The following STK33 variants were observed in gnomAD, a reference collection of about 807,000 sequenced individuals.
The protein encoded by STK33 is serine/threonine kinase 33, also known as serine/threonine-protein kinase 33.
A neutral mutation model predicts 58.0 loss-of-function variants in STK33; 52 were observed. That is an observed-to-expected ratio of 0.90 (90% CI 0.72 to 1.13). The LOEUF is 1.13. Among genes scored for constraint, STK33 ranks in the 50% most tolerant of loss-of-function variants. STK33 has a pLI of 0.00. For missense variants in STK33, 630 were observed against 604.2 expected (o/e 1.04, Z -0.45); for synonymous variants, 215 against 200.1 (o/e 1.07, Z -0.63).
chr11:8,584,503 C>T (rs1476608970), intron 1 of STK33, among the ~76,000 whole-genome samples: 1 of 152,190 alleles, frequency 6.6e-6, no homozygotes, highest in Non-Finnish European at 1.5e-5. Flanking sequence ...ACAAATAAGG[C>T]AGGGCAAGAG....
At chr11:8,395,072 T>G (rs1320850463) in intron 15 of STK33, among the ~76,000 whole-genome samples, 3 of 152,222 alleles carry the variant, frequency 2.0e-5, no homozygotes, top group Admixed American at 2.0e-4. Flanking sequence ...GATGTGGTTG[T>G]CATTCCACTG....
chr11:8,411,874 A>G (rs187656618), intron 15 of STK33, among the ~76,000 whole-genome samples: 1 of 152,212 alleles, frequency 6.6e-6, no homozygotes, highest in Non-Finnish European at 1.5e-5. Context: ...TAGCATCCAC[A>G]AACAATTCAA....
At chr11:8,548,451 TG>T (rs1248134380) in intron 1 of STK33, among the ~76,000 whole-genome samples, 3 of 152,238 alleles carry the variant, frequency 2.0e-5, no homozygotes, top group Admixed American at 2.0e-4. Flanking sequence ...TTCTCTATTC[TG>T]TTCCATTGGT....
At chr11:8,500,419 G>A (rs12274454) in intron 1 of STK33, among the ~76,000 whole-genome samples, 1 of 151,796 alleles carries the variant, frequency 6.6e-6, no homozygotes, top group South Asian at 2.1e-4. Flanking sequence ...ATCAGTTGTA[G>A]TTCTACACAT....
At chr11:8,433,221 C>T (rs1943622999) in intron 14 of STK33, among the ~76,000 whole-genome samples, 1 of 151,894 alleles carries the variant, frequency 6.6e-6, no homozygotes, top group Non-Finnish European at 1.5e-5. Context: ...AAACATAATT[C>T]ATTCTTGGGT....
intron 1 of STK33, among the ~76,000 whole-genome samples, chr11:8,529,485 T>G (rs539997837): frequency 1.3e-5 from 2 of 152,292 alleles, no homozygotes; most frequent in African/African-American, 2.4e-5. Flanking sequence ...TATGGGCCCC[T>G]CTGGTAGACA....
chr11:8,391,452 A>C (rs1424660550), downstream of STK33, among the ~76,000 whole-genome samples: 1 of 152,236 alleles, frequency 6.6e-6, no homozygotes, highest in East Asian at 1.9e-4. Context: ...AACTAACTGC[A>C]AGAAGCACAC....
At chr11:8,419,858 G>T (rs576077406) in intron 14 of STK33, among the ~76,000 whole-genome samples, 1 of 152,162 alleles carries the variant, frequency 6.6e-6, no homozygotes, top group East Asian at 1.9e-4. Flanking sequence ...AAGACTTAAT[G>T]ATGGTTATCT....
the STK33 span, among the ~76,000 whole-genome samples, chr11:8,369,411 C>T: frequency 6.6e-6 from 1 of 150,908 alleles, no homozygotes; most frequent in East Asian, 2.0e-4. Flanking sequence ...GTGGGAGGGG[C>T]TGATGGGATC....
intron 11 of STK33, among the ~76,000 whole-genome samples, chr11:8,449,670 C>T (rs1006891142): frequency 2.0e-5 from 3 of 148,162 alleles, no homozygotes; most frequent in Admixed American, 1.3e-4. Flanking sequence ...AGGAGATATA[C>T]CTAATGTTAA....
chr11:8,494,884 T>C (rs1211623812), intron 1 of STK33, among the ~76,000 whole-genome samples: 3 of 152,030 alleles, frequency 2.0e-5, no homozygotes, highest in Non-Finnish European at 4.4e-5. Flanking sequence ...GGAAAACTGG[T>C]TAGCCATATG....
intron 11 of STK33, among the ~76,000 whole-genome samples, chr11:8,447,172 AAAG>A (rs1487043007): frequency 1.3e-5 from 2 of 151,712 alleles, no homozygotes; most frequent in Non-Finnish European, 3.0e-5. Flanking sequence ...ACACTTTTCA[AAAG>A]AAGACATTTA....
chr11:8,376,258 T>C, the STK33 span, among the ~76,000 whole-genome samples: 1 of 152,142 alleles, frequency 6.6e-6, no homozygotes, highest in Non-Finnish European at 1.5e-5. Context: ...TATGACTTTA[T>C]GTGTGTCTAA....
chr11:8,584,188 G>A (rs920512292), intron 1 of STK33, among the ~76,000 whole-genome samples: 1 of 151,486 alleles, frequency 6.6e-6, no homozygotes, highest in African/African-American at 2.4e-5. Context: ...CTGGGACTTT[G>A]CTATACTTGG....
the STK33 span, among the ~76,000 whole-genome samples, chr11:8,339,586 T>C: frequency 2.0e-5 from 3 of 152,172 alleles, no homozygotes; most frequent in Non-Finnish European, 4.4e-5. Context: ...GGGATGGCCC[T>C]GCGCTCGGCG....
At chr11:8,392,964 A>G (rs1029349129) in intron 15 of STK33, among the ~76,000 whole-genome samples, 6 of 152,240 alleles carry the variant, frequency 3.9e-5, no homozygotes, top group African/African-American at 1.4e-4. Context: ...GTCGTCCAAA[A>G]TGTAAGTAAA....
At chr11:8,366,075 C>T in the STK33 span, among the ~76,000 whole-genome samples, 4 of 152,210 alleles carry the variant, frequency 2.6e-5, no homozygotes, top group Admixed American at 6.5e-5. Context: ...GACTTTCTCA[C>T]GGCACAGTGG....
At chr11:8,456,999 A>G (rs1320417059) in intron 9 of STK33, among the ~76,000 whole-genome samples, 1 of 152,156 alleles carries the variant, frequency 6.6e-6, no homozygotes, top group Non-Finnish European at 1.5e-5. Flanking sequence ...TAAAGTCTAC[A>G]AAGACAAAAA....
At chr11:8,479,138 G>A (rs1949559869) in intron 2 of STK33, among the ~76,000 whole-genome samples, 1 of 152,084 alleles carries the variant, frequency 6.6e-6, no homozygotes, top group African/African-American at 2.4e-5. Flanking sequence ...ACAGAGGCCG[G>A]GTGCGGTGGC....
Sources: allele counts gnomAD v4.1 joint callset (sites outside exome capture counted in the v4.1 genomes callset), GRCh38; gene constraint gnomAD v4.1.1; transcripts MANE v1.5; gene names NCBI Gene and HGNC (gene_info 2026-07-23, HGNC 2026-07-21).